CNTN4: variants seen among roughly 807,000 people sequenced by gnomAD.
CNTN4 encodes contactin-4.
Under a neutral mutation model 122.5 loss-of-function variants are expected in CNTN4, and 77 were observed. The ratio of observed to expected loss-of-function variants is 0.63; its 90% CI spans 0.52 to 0.76. The LOEUF is 0.76. Ranked by LOEUF, CNTN4 falls within the 30% of genes least tolerant of loss-of-function variation. The pLI is 0.00. For synonymous variants in CNTN4, 512 were observed against 447.0 expected (o/e 1.15, Z -1.83); for missense variants, 1,256 against 1,259.1 (o/e 1.00, Z 0.04).
rs150300469 is a variant in CNTN4, at chr3:2,531,282, A to G, written c.-88-40134A>G. ...CATCATGGGCCACTTGGAGCCAAAA[A>G]CATCAAGGGAAAGGAAGGAGCTTGG... On this transcript the variant is annotated intron_variant, in intron 3 of 24. Transcript: ENST00000418658. Among the ~76,000 whole-genome samples the G allele has an allele frequency of 2.1e-3, 314 of 152,252 alleles. 3 individuals are homozygous for G. Among genetic ancestry groups the G allele is most frequent in the Non-Finnish European group, 1.6e-3 (107 of 68,006 alleles).
intron 3 of CNTN4, among the ~76,000 whole-genome samples, chr3:2,395,241 C>T (rs1305866377): frequency 6.6e-6 from 1 of 152,064 alleles, no homozygotes; most frequent in Non-Finnish European, 1.5e-5. Flanking sequence ...ATGGTGAGTA[C>T]AGGAAGCCAT....
chr3:2,777,773 C>G (rs931040110), intron 6 of CNTN4, among the ~76,000 whole-genome samples: 3 of 152,178 alleles, frequency 2.0e-5, no homozygotes, highest in Non-Finnish European at 4.4e-5. Flanking sequence ...GCATATTTCT[C>G]CAAACATGCA....
chr3:2,991,819 C>T (rs1249395191), intron 14 of CNTN4, among the ~76,000 whole-genome samples: 2 of 151,944 alleles, frequency 1.3e-5, no homozygotes, highest in Non-Finnish European at 2.9e-5. Context: ...CGAAATATGA[C>T]TGAGCGCTGT....
At chr3:2,865,119 A>G (rs1298266502) in intron 7 of CNTN4, among the ~76,000 whole-genome samples, 1 of 152,220 alleles carries the variant, frequency 6.6e-6, no homozygotes, top group Non-Finnish European at 1.5e-5. Context: ...GTATATTTAC[A>G]CTGAGTATCC....
At chr3:2,211,190 G>A (rs1462100327) in intron 2 of CNTN4, among the ~76,000 whole-genome samples, 1 of 152,100 alleles carries the variant, frequency 6.6e-6, no homozygotes, top group Non-Finnish European at 1.5e-5. Flanking sequence ...AAGCAAGAGA[G>A]AGTGTGGCGG....
intron 3 of CNTN4, among the ~76,000 whole-genome samples, chr3:2,535,648 C>G (rs565437428): frequency 6.6e-6 from 1 of 152,036 alleles, no homozygotes; most frequent in African/African-American, 2.4e-5. Context: ...TAATCTATTC[C>G]TAAGTGCTAA....
At chr3:2,759,131 T>C (rs1239405658) in intron 6 of CNTN4, among the ~76,000 whole-genome samples, 1 of 152,174 alleles carries the variant, frequency 6.6e-6, no homozygotes, top group Admixed American at 6.5e-5. Context: ...TTCATCTGTG[T>C]CGTAGTGTGT....
chr3:2,246,516 A>G (rs1247095679), intron 2 of CNTN4, among the ~76,000 whole-genome samples: 2 of 152,038 alleles, frequency 1.3e-5, no homozygotes, highest in Admixed American at 6.6e-5. Context: ...TGCTGGGGAT[A>G]GTGGTAGGCA....
intron 2 of CNTN4, among the ~76,000 whole-genome samples, chr3:2,165,753 T>C (rs1365049527): frequency 1.3e-5 from 2 of 152,118 alleles, no homozygotes; most frequent in Non-Finnish European, 2.9e-5. Context: ...TTCAACTCTT[T>C]TGGATTCCAC....
At chr3:2,807,138 A>G (rs968877088) in intron 6 of CNTN4, among the ~76,000 whole-genome samples, 4 of 152,196 alleles carry the variant, frequency 2.6e-5, no homozygotes, top group Non-Finnish European at 5.9e-5. Context: ...GGCATACTGT[A>G]GGTACTGAAT....
intron 23 of CNTN4, 41 bp from the exon 24 acceptor site, chr3:3,053,766 G>A (rs1701509050): frequency 1.2e-6 from 2 of 1,607,056 alleles, no homozygotes; most frequent in African/African-American, 1.3e-5. Context: ...TGGGACCTTT[G>A]TGAAGACGGC....
At chr3:2,386,904 A>G (rs1367953412) in intron 3 of CNTN4, among the ~76,000 whole-genome samples, 2 of 152,214 alleles carry the variant, frequency 1.3e-5, no homozygotes, top group Non-Finnish European at 2.9e-5. Context: ...AAGCGCATTC[A>G]ATTTAGAGAT....
At chr3:2,890,328 T>A (rs1474051165) in intron 10 of CNTN4, among the ~76,000 whole-genome samples, 2 of 152,206 alleles carry the variant, frequency 1.3e-5, no homozygotes, top group African/African-American at 4.8e-5. Context: ...TCCAGCTGCA[T>A]AGGTCTCCAA....
At chr3:2,975,747 T>C (rs550001619) in intron 13 of CNTN4, among the ~76,000 whole-genome samples, 29 of 152,324 alleles carry the variant, frequency 1.9e-4, no homozygotes, top group African/African-American at 6.5e-4. Context: ...CTGAGTGCTT[T>C]ATATATTTTA....
At chr3:2,605,612 C>T (rs528842983) in intron 4 of CNTN4, among the ~76,000 whole-genome samples, 2 of 152,062 alleles carry the variant, frequency 1.3e-5, no homozygotes, top group South Asian at 2.1e-4. Flanking sequence ...TGGCTTAGAC[C>T]CAAGTGGTGG....
chr3:2,378,676 T>G (rs1189947158), intron 3 of CNTN4, among the ~76,000 whole-genome samples: 1 of 152,172 alleles, frequency 6.6e-6, no homozygotes, highest in Middle Eastern at 3.4e-3. Flanking sequence ...TCTCATGAGA[T>G]AAATGAGACT....
chr3:2,779,907 T>C (rs187114167), intron 6 of CNTN4, among the ~76,000 whole-genome samples: 300 of 152,358 alleles, frequency 2.0e-3, no homozygotes, highest in Admixed American at 3.1e-3. Flanking sequence ...TAGTACACTA[T>C]TGACTCTCAA....
intron 4 of CNTN4, among the ~76,000 whole-genome samples, chr3:2,624,153 A>G (rs1457419018): frequency 6.6e-6 from 1 of 152,212 alleles, no homozygotes; most frequent in Admixed American, 6.5e-5. Context: ...TACTTTTAAA[A>G]TTGTTCTTCA....
intron 10 of CNTN4, among the ~76,000 whole-genome samples, chr3:2,900,333 A>G (rs1403250231): frequency 6.8e-6 from 1 of 147,384 alleles, no homozygotes; most frequent in Non-Finnish European, 1.5e-5. Context: ...CTGGAAATAT[A>G]CCAGCCTGGT....
Sources: gnomAD v4.1 joint callset for allele counts (sites outside exome capture counted in the v4.1 genomes callset) on GRCh38, gnomAD v4.1.1 for gene constraint, MANE v1.5 for transcripts, NCBI Gene and HGNC (gene_info 2026-07-23, HGNC 2026-07-21) for gene names.